AQR: variants seen among roughly 807,000 people sequenced by gnomAD.
AQR encodes aquarius intron-binding spliceosomal factor.
AQR carries 61 observed loss-of-function variants against 180.5 expected under a neutral mutation model. That is an observed-to-expected ratio of 0.34 (90% confidence interval 0.28 to 0.42). The LOEUF is 0.42. Among genes scored for constraint, AQR ranks in the 10% least tolerant of loss-of-function variants. The pLI is 1.00. For synonymous variants in AQR, 551 were observed against 588.8 expected, an observed-to-expected ratio of 0.94 and a Z score of 0.93; for missense variants, 1,281 against 1,798.3, an observed-to-expected ratio of 0.71 and a Z score of 5.20.
chr15:34,890,070 A>G (rs2140470981), intron 24 of AQR, 145 bp downstream of exon 24: 1 of 616,652 alleles, frequency 1.6e-6, no homozygotes, highest in Non-Finnish European at 2.6e-6. Context: ...CCATATTTCT[A>G]GCTCAACATA....
chr15:34,944,234 A>G (rs1286616180), intron 6 of AQR, 54 bp downstream of exon 6: 1 of 1,499,592 alleles, frequency 6.7e-7, no homozygotes, highest in Admixed American at 2.2e-5. Context: ...TCTAAACTCA[A>G]CCTAAAAGAA....
intron 3 of AQR, among the ~76,000 whole-genome samples, chr15:34,959,874 C>G (rs1455011503): frequency 6.6e-6 from 1 of 152,224 alleles, no homozygotes; most frequent in African/African-American, 2.4e-5. Context: ...GGTGCAGTGG[C>G]TAATGCCTGT....
chr15:34,956,039 A>G (rs1894310171), intron 3 of AQR, among the ~76,000 whole-genome samples: 2 of 152,194 alleles, frequency 1.3e-5, no homozygotes, highest in East Asian at 3.8e-4. Flanking sequence ...ATAATGATAA[A>G]AAAAAGAAAC....
intron 23 of AQR, among the ~76,000 whole-genome samples, chr15:34,891,663 T>C (rs968173830): frequency 1.3e-5 from 2 of 152,154 alleles, no homozygotes; most frequent in African/African-American, 2.4e-5. Context: ...GTAAAAAATA[T>C]GTTAAAACAA....
chr15:34,922,162 G>C (rs1162409489), intron 13 of AQR, among the ~76,000 whole-genome samples: 1 of 152,102 alleles, frequency 6.6e-6, no homozygotes, highest in Non-Finnish European at 1.5e-5. Flanking sequence ...TAATGCATTT[G>C]AGCATTTGAG....
chr15:34,858,542 CT>C (rs1892624370), intron 34 of AQR, among the ~76,000 whole-genome samples: 1 of 152,066 alleles, frequency 6.6e-6, no homozygotes, highest in African/African-American at 2.4e-5. Flanking sequence ...TCAAAATATC[CT>C]TTTAAAAACT....
chr15:34,875,081 G>A (rs1892872493), intron 28 of AQR, among the ~76,000 whole-genome samples: 1 of 152,104 alleles, frequency 6.6e-6, no homozygotes, highest in African/African-American at 2.4e-5. Context: ...GAGGGAGAAT[G>A]GAGGTATTTA....
intron 1 of AQR, among the ~76,000 whole-genome samples, chr15:34,967,323 C>A (rs2050315148): frequency 6.6e-6 from 1 of 152,230 alleles, no homozygotes; most frequent in South Asian, 2.1e-4. Flanking sequence ...ACTTTCCTGA[C>A]TGTCTTTCAT....
At position 34,890,139 on chromosome 15, in the gene AQR, C is replaced by G. The variant is rs567229501; in HGVS notation, c.2681+76G>C. ...ATTAAGTTTCAGTATTCATTGCTTT[C>G]TTCTTCTTTAATAAAAGAAATGAAA... is the stretch of plus-strand genomic sequence containing the variant. On this transcript the variant is annotated intron_variant, in intron 24 of 34. Coordinates refer to ENST00000156471, the MANE Select transcript of AQR (RefSeq NM_014691.3). The G allele has an allele frequency of 2.6e-5, 34 of 1,300,962 alleles. No individual in the cohort carries two copies. The African/African-American group carries it at 4.6e-4, about 18-fold the overall frequency. The allele number at this position is 1,300,962 out of a possible 1,614,324, so 80.6% of individuals were successfully genotyped here.
intron 24 of AQR, among the ~76,000 whole-genome samples, chr15:34,888,941 T>A (rs1281431215): frequency 6.6e-6 from 1 of 152,208 alleles, no homozygotes; most frequent in Non-Finnish European, 1.5e-5. Flanking sequence ...ACTAACAATA[T>A]CTAGGTTATG....
chr15:34,925,964 G>A (rs1007466217), intron 13 of AQR, among the ~76,000 whole-genome samples: 4 of 152,026 alleles, frequency 2.6e-5, no homozygotes, highest in Non-Finnish European at 4.4e-5. Context: ...GTCAGAGATC[G>A]AGACCATCTT....
At chr15:34,888,738 A>G (rs1893098415) in intron 24 of AQR, among the ~76,000 whole-genome samples, 1 of 152,208 alleles carries the variant, frequency 6.6e-6, no homozygotes, top group African/African-American at 2.4e-5. Flanking sequence ...AAATAACAGC[A>G]TTACAGAAAA....
At chr15:34,887,112 A>G (rs1297920124) in intron 24 of AQR, among the ~76,000 whole-genome samples, 1 of 151,812 alleles carries the variant, frequency 6.6e-6, no homozygotes, top group Non-Finnish European at 1.5e-5. Flanking sequence ...GCGACAAAGC[A>G]AGACTCCGTC....
chr15:34,879,385 A>C (rs1227510008), intron 27 of AQR, among the ~76,000 whole-genome samples: 1 of 152,212 alleles, frequency 6.6e-6, no homozygotes, highest in Non-Finnish European at 1.5e-5. Flanking sequence ...ACCATGTTTC[A>C]TGTTATCTCC....
At chr15:34,939,811 T>C (rs1351007746) in intron 8 of AQR, among the ~76,000 whole-genome samples, 2 of 152,238 alleles carry the variant, frequency 1.3e-5, no homozygotes, top group Non-Finnish European at 2.9e-5. Context: ...TGAGCTATGC[T>C]AAACACTTCA....
rs777010010 is a variant in AQR at position 34,906,673 on chromosome 15, C to T, written c.1703G>A (p.Arg568His). ...KHDVCFLITV[R>H]PTKPYGTKFD... ...CTTAGTGCCATAAGGTTTTGTGGGA[C>T]GTACGGTAATTAAAAAGCATACATC... The change falls in exon 18 of 35, where the codon CGT becomes CAT. Residue 568 changes from arginine to histidine, a missense_variant. Around this residue, in one of 9 missense-constraint regions of AQR, gnomAD observed 200 missense variants for 293.4 expected, o/e 0.68. Coordinates refer to ENST00000156471, the MANE Select transcript of AQR (RefSeq NM_014691.3). 18 of 1,613,734 alleles carry T rather than the reference C, an allele frequency of 1.1e-5. No homozygotes were observed. The highest frequency in any genetic ancestry group is 6.7e-5 in the African/African-American group (5 of 74,870).
chr15:34,941,866 T>C lies in AQR; in HGVS notation c.540+146A>G, dbSNP rs1449779793. 4 of 432,936 alleles carry C rather than the reference T, an allele frequency of 9.2e-6. No individual in the cohort carries two copies. The East Asian group carries it at 1.1e-4, about 12-fold the overall frequency. 26.8% of individuals were successfully genotyped at this position (432,936 alleles called of 1,614,324 possible). A position where few individuals can be genotyped will look rare whatever the true frequency, so the allele number is the denominator to read the frequency against. ...TATAAAAACTTTAAAATAAAAACTATATCTATGAAAAGTTAAGCAAAGTGG... is the reference window on the plus strand; with the variant it reads ...TATAAAAACTTTAAAATAAAAACTACATCTATGAAAAGTTAAGCAAAGTGG... On this transcript the variant is annotated intron_variant, in intron 7 of 34. Coordinates refer to ENST00000156471, the MANE Select transcript of AQR (RefSeq NM_014691.3).
At chr15:34,927,559 G>C (rs1254925528) in intron 12 of AQR, among the ~76,000 whole-genome samples, 1 of 152,194 alleles carries the variant, frequency 6.6e-6, no homozygotes, top group African/African-American at 2.4e-5. Context: ...CTTGTGCCTT[G>C]CTTTTGTTTG....
chr15:34,943,277 G>A (rs1181082669), intron 6 of AQR: 2 of 1,591,020 alleles, frequency 1.3e-6, no homozygotes, highest in Non-Finnish European at 1.7e-6. Flanking sequence ...CAAAGATTGT[G>A]CTAAGGCTTG....
Sources: gnomAD v4.1 joint callset for allele counts (sites outside exome capture counted in the v4.1 genomes callset) on GRCh38, gnomAD v4.1.1 for gene constraint, gnomAD v4.1.1 regional missense constraint, MANE v1.5 for transcripts, NCBI Gene and HGNC (gene_info 2026-07-23, HGNC 2026-07-21) for gene names.